Variants in SLX4IP observed in about 807,000 individuals in gnomAD.
The protein encoded by SLX4IP is SLX4 interacting protein, also known as protein SLX4IP.
A neutral mutation model predicts 32.9 loss-of-function variants in SLX4IP; 34 were observed. The ratio of observed to expected loss-of-function variants is 1.03; its 90% confidence interval spans 0.79 to 1.38. SLX4IP has a LOEUF of 1.38. SLX4IP is among the 40% of genes most tolerant of loss of function. The probability of loss-of-function intolerance (pLI) is 0.00; values close to 1 mark genes in which losing one functional copy is unlikely to be tolerated. For synonymous variants in SLX4IP, 172 were observed against 171.7 expected, an observed-to-expected ratio of 1.00 and a Z score of -0.01; for missense variants, 444 against 479.0, an observed-to-expected ratio of 0.93 and a Z score of 0.68.
intron 6 of SLX4IP, among the ~76,000 whole-genome samples, chr20:10,616,297 C>T (rs529606062): frequency 1.5e-4 from 23 of 151,768 alleles, no homozygotes; most frequent in South Asian, 2.1e-4. Flanking sequence ...CAATCATTGC[C>T]GAGGCCTCAT....
At chr20:10,456,345 T>G (rs538568809) in intron 1 of SLX4IP, among the ~76,000 whole-genome samples, 3 of 152,176 alleles carry the variant, frequency 2.0e-5, no homozygotes, top group African/African-American at 7.2e-5. Flanking sequence ...TTATTTATTT[T>G]ATTTGATAGT....
chr20:10,524,043 TG>T (rs1187179468), intron 2 of SLX4IP, among the ~76,000 whole-genome samples: 10 of 152,208 alleles, frequency 6.6e-5, no homozygotes, highest in Non-Finnish European at 1.3e-4. Context: ...CCTGGCTGGC[TG>T]GGGGACCAGC....
chr20:10,568,846 G>A (rs1228091182), intron 4 of SLX4IP, among the ~76,000 whole-genome samples: 1 of 152,194 alleles, frequency 6.6e-6, no homozygotes, highest in Non-Finnish European at 1.5e-5. Flanking sequence ...CAGTCATGCT[G>A]TGCCCTTCGT....
At chr20:10,535,607 T>C (rs1163364212) in intron 2 of SLX4IP, among the ~76,000 whole-genome samples, 1 of 152,190 alleles carries the variant, frequency 6.6e-6, no homozygotes. Flanking sequence ...AGGCATGAGC[T>C]ACTGCGCCCG....
At chr20:10,484,871 G>A (rs1568703253) in intron 2 of SLX4IP, among the ~76,000 whole-genome samples, 2 of 152,112 alleles carry the variant, frequency 1.3e-5, no homozygotes, top group African/African-American at 2.4e-5. Flanking sequence ...AGAAAAGCCT[G>A]TGGAGTTGGT....
chr20:10,562,113 G>A (rs927528324), intron 4 of SLX4IP, among the ~76,000 whole-genome samples: 8 of 152,168 alleles, frequency 5.3e-5, no homozygotes, highest in African/African-American at 1.9e-4. Flanking sequence ...GTGTTACAAT[G>A]TGCTTTTTCA....
At chr20:10,571,010 T>A (rs1315838866) in intron 4 of SLX4IP, among the ~76,000 whole-genome samples, 3 of 151,870 alleles carry the variant, frequency 2.0e-5, no homozygotes, top group Admixed American at 6.6e-5. Flanking sequence ...TTTAAAAAAA[T>A]TTTGCAGAGA....
intron 2 of SLX4IP, among the ~76,000 whole-genome samples, chr20:10,468,455 G>C (rs1261798385): frequency 1.3e-5 from 2 of 152,174 alleles, no homozygotes; most frequent in African/African-American, 4.8e-5. Context: ...GAACTCTCCA[G>C]CTAGACGTAA....
chr20:10,597,777 CA>C (rs2066788958), intron 4 of SLX4IP, among the ~76,000 whole-genome samples: 1 of 152,068 alleles, frequency 6.6e-6, no homozygotes, highest in Non-Finnish European at 1.5e-5. Context: ...GCATTTTTTT[CA>C]AAGTGGCTGT....
At chr20:10,572,941 G>A (rs1182917388) in intron 4 of SLX4IP, among the ~76,000 whole-genome samples, 2 of 152,202 alleles carry the variant, frequency 1.3e-5, no homozygotes, top group Non-Finnish European at 2.9e-5. Flanking sequence ...ATCAGTGTGT[G>A]TTCACACGAC....
At chr20:10,446,237 C>T (rs1023459849) in intron 1 of SLX4IP, among the ~76,000 whole-genome samples, 3 of 151,538 alleles carry the variant, frequency 2.0e-5, no homozygotes, top group Admixed American at 6.6e-5. Flanking sequence ...GATGGTGAAA[C>T]CCCGTCTCTA....
At chr20:10,473,395 A>C (rs1261875536) in intron 2 of SLX4IP, among the ~76,000 whole-genome samples, 2 of 152,216 alleles carry the variant, frequency 1.3e-5, no homozygotes, top group Non-Finnish European at 2.9e-5. Context: ...ATTTTATTGT[A>C]CTGGTTATTG....
rs2067128903 is a variant in SLX4IP at position 10,622,879 on chromosome 20, G to A, written c.727G>A (p.Val243Ile). 6.2e-7 allele frequency: 1 copy of A among 1,614,052 alleles called. No individual in the cohort carries two copies. The highest frequency in any genetic ancestry group is 8.5e-7 in the Non-Finnish European group (1 of 1,179,982). Residue 243 changes from valine to isoleucine, a missense_variant, in exon 8 of 8, where the codon GTT becomes ATT. Transcript: ENST00000334534. ...GCTTCCTGTTCAAAAGCTGGAAAAA[G>A]TTAATCAGACCCAGCCAGAAGACAC... is the stretch of plus-strand genomic sequence containing the variant. Reference protein sequence around the residue: ...WGLPVQKLEKVNQTQPEDTSG... With the variant: ...WGLPVQKLEKINQTQPEDTSG...
chr20:10,479,361 T>TTTC (rs2065502395), intron 2 of SLX4IP, among the ~76,000 whole-genome samples: 2 of 149,760 alleles, frequency 1.3e-5, no homozygotes, highest in Non-Finnish European at 3.0e-5. Context: ...TCTTTTTTTT[T>TTTC]TTTTTTTTTG....
chr20:10,574,526 C>A (rs937913784), intron 4 of SLX4IP, among the ~76,000 whole-genome samples: 1 of 152,148 alleles, frequency 6.6e-6, no homozygotes, highest in African/African-American at 2.4e-5. Context: ...TATGGTGACA[C>A]AACTCCAGTA....
intron 4 of SLX4IP, among the ~76,000 whole-genome samples, chr20:10,566,940 C>G (rs930545694): frequency 4.6e-5 from 7 of 152,174 alleles, no homozygotes; most frequent in African/African-American, 1.2e-4. Flanking sequence ...GGCATTGGCT[C>G]CTCTGTGATG....
In SLX4IP at chr20:10,477,255, T is replaced by C. The variant is rs550338038; in HGVS notation, c.27+19024T>C. ...TCCGCCTCCTGGGTTCAAGTGATTC[T>C]TCTGCCTCAGCCTCCTGAGTAGCTG... is the stretch of plus-strand genomic sequence containing the variant. On this transcript the variant is annotated intron_variant, in intron 2 of 7. Transcript: ENST00000334534. Among the ~76,000 whole-genome samples, 212 of 152,282 alleles carry C rather than the reference T, an allele frequency of 1.4e-3. 6 individuals are homozygous for C. The highest frequency in any genetic ancestry group is 1.9e-3 in the Non-Finnish European group (126 of 68,018).
intron 4 of SLX4IP, among the ~76,000 whole-genome samples, chr20:10,590,149 T>C (rs932273970): frequency 4.6e-4 from 70 of 152,252 alleles, no homozygotes; most frequent in African/African-American, 1.5e-3. Context: ...TTTATGATGG[T>C]TAGCCCTTCC....
In SLX4IP at chr20:10,452,766, G is replaced by A. The variant is rs192766333; in HGVS notation, c.-29-5410G>A. Among the ~76,000 whole-genome samples, 729 of 150,996 alleles carry A rather than the reference G, an allele frequency of 4.8e-3. 7 individuals carry two copies. The highest frequency in any genetic ancestry group is 6.7e-3 in the Non-Finnish European group (455 of 67,840). On this transcript the variant is annotated intron_variant, in intron 1 of 7. Transcript: ENST00000334534. ...CTTAGGAGGCTGAGGCAGGAGGATC[G>A]CTTCAGTCCAGGAAGTGGAGGTTGC...
Sources: gnomAD v4.1 joint callset for allele counts (sites outside exome capture counted in the v4.1 genomes callset) on GRCh38, gnomAD v4.1.1 for gene constraint, MANE v1.5 for transcripts, NCBI Gene and HGNC (gene_info 2026-07-23, HGNC 2026-07-21) for gene names.